The following MAPKAP1 variants were observed in gnomAD, a reference collection of about 807,000 sequenced individuals.
The protein encoded by MAPKAP1 is target of rapamycin complex 2 subunit MAPKAP1.
A neutral mutation model predicts 65.7 loss-of-function variants in MAPKAP1; 20 were observed. The observed-to-expected ratio is 0.30, with a 90% CI of 0.21 to 0.44. The LOEUF is 0.44. Ranked by LOEUF, MAPKAP1 falls within the 20% of genes least tolerant of loss-of-function variation. The probability of loss-of-function intolerance (pLI) is 1.00; values close to 1 mark genes in which losing one functional copy is unlikely to be tolerated. For synonymous variants in MAPKAP1, 222 were observed against 244.3 expected, an observed-to-expected ratio of 0.91 and a Z score of 0.85; for missense variants, 423 against 648.0, an observed-to-expected ratio of 0.65 and a Z score of 3.77.
intron 6 of MAPKAP1, among the ~76,000 whole-genome samples, chr9:125,550,785 T>C (rs1198369180): frequency 2.6e-5 from 4 of 152,232 alleles, no homozygotes; most frequent in African/African-American, 9.6e-5. Context: ...GAGGACAATC[T>C]GGACAATGAA....
chr9:125,496,267 G>A (rs538117441), intron 8 of MAPKAP1, among the ~76,000 whole-genome samples: 6 of 152,258 alleles, frequency 3.9e-5, no homozygotes, highest in South Asian at 2.1e-4. Context: ...TTCTAATAGC[G>A]TGCAGCAAAC....
chr9:125,625,532 C>G (rs565082503), intron 4 of MAPKAP1, among the ~76,000 whole-genome samples: 1 of 152,268 alleles, frequency 6.6e-6, no homozygotes, highest in East Asian at 1.9e-4. Flanking sequence ...TGGCAGCTCA[C>G]GCCTGTAATC....
At chr9:125,503,916 T>TTTGTTTA (rs1829063389) in intron 8 of MAPKAP1, among the ~76,000 whole-genome samples, 1 of 134,540 alleles carries the variant, frequency 7.4e-6, no homozygotes, top group Admixed American at 7.7e-5. Flanking sequence ...TTTGTATTTT[T>TTTGTTTA]GGTAGAGACG....
At chr9:125,515,671 G>A (rs1266514454) in intron 7 of MAPKAP1, among the ~76,000 whole-genome samples, 1 of 152,238 alleles carries the variant, frequency 6.6e-6, no homozygotes, top group East Asian at 1.9e-4. Context: ...GATCAACTAA[G>A]TTCGGCCCTG....
At chr9:125,522,714 A>C (rs1274321419) in intron 7 of MAPKAP1, among the ~76,000 whole-genome samples, 1 of 152,142 alleles carries the variant, frequency 6.6e-6, no homozygotes, top group Non-Finnish European at 1.5e-5. Context: ...TCAAGGTATC[A>C]CTTTCATACA....
chr9:125,623,787 T>C (rs1348200830), intron 4 of MAPKAP1, among the ~76,000 whole-genome samples: 10 of 29,440 alleles, frequency 3.4e-4, no homozygotes, highest in East Asian at 3.6e-3. Context: ...CGGCCAGCCG[T>C]GCCGTCCGGG....
intron 1 of MAPKAP1, among the ~76,000 whole-genome samples, chr9:125,695,913 A>G (rs1396912636): frequency 6.6e-6 from 1 of 152,066 alleles, no homozygotes; most frequent in Admixed American, 6.5e-5. Flanking sequence ...TTTTTAGTAG[A>G]GACGGGGTTT....
intron 3 of MAPKAP1, among the ~76,000 whole-genome samples, chr9:125,658,146 C>G (rs541458980): frequency 6.6e-6 from 1 of 152,290 alleles, no homozygotes; most frequent in South Asian, 2.1e-4. Context: ...AGACACTTCT[C>G]TAAACCTTTC....
At chr9:125,508,449 T>C (rs1280419015) in intron 7 of MAPKAP1, among the ~76,000 whole-genome samples, 2 of 152,222 alleles carry the variant, frequency 1.3e-5, no homozygotes, top group Admixed American at 6.5e-5. Flanking sequence ...AAACAATCTC[T>C]GACTGTTCCT....
At chr9:125,563,021 T>C (rs1312102633) in intron 5 of MAPKAP1, among the ~76,000 whole-genome samples, 1 of 152,174 alleles carries the variant, frequency 6.6e-6, no homozygotes, top group Non-Finnish European at 1.5e-5. Flanking sequence ...ACATATTACT[T>C]ATAAAAAGTT....
intron 8 of MAPKAP1, among the ~76,000 whole-genome samples, chr9:125,500,539 G>T (rs1329318019): frequency 1.3e-5 from 2 of 152,146 alleles, no homozygotes; most frequent in Non-Finnish European, 2.9e-5. Context: ...TGTGTGTATA[G>T]GTATGAGTGT....
At chr9:125,688,550 T>C (rs1835059824) in intron 1 of MAPKAP1, among the ~76,000 whole-genome samples, 1 of 152,176 alleles carries the variant, frequency 6.6e-6, no homozygotes, top group African/African-American at 2.4e-5. Flanking sequence ...TTCCACAACA[T>C]ACAATTTAAA....
At chr9:125,499,086 G>A (rs1425227903) in intron 8 of MAPKAP1, among the ~76,000 whole-genome samples, 1 of 152,176 alleles carries the variant, frequency 6.6e-6, no homozygotes, top group Admixed American at 6.5e-5. Flanking sequence ...ACCCAAGAAA[G>A]GTTAAGTAAA....
At chr9:125,601,834 A>C (rs952297591) in intron 4 of MAPKAP1, among the ~76,000 whole-genome samples, 2 of 152,230 alleles carry the variant, frequency 1.3e-5, no homozygotes, top group Admixed American at 6.5e-5. Context: ...AGGCCAACAC[A>C]AAGAACCTAC....
At chr9:125,461,442 T>C (rs1378120959) in intron 10 of MAPKAP1, among the ~76,000 whole-genome samples, 1 of 152,210 alleles carries the variant, frequency 6.6e-6, no homozygotes, top group Non-Finnish European at 1.5e-5. Context: ...AAGGCGAGCC[T>C]TGTAAATGTC....
intron 8 of MAPKAP1, among the ~76,000 whole-genome samples, chr9:125,488,058 T>C (rs1854556202): frequency 6.6e-6 from 1 of 152,240 alleles, no homozygotes; most frequent in African/African-American, 2.4e-5. Context: ...ATTAATTTTG[T>C]ACAAGACTTA....
chr9:125,573,711 T>C (rs768542732), intron 5 of MAPKAP1, among the ~76,000 whole-genome samples: 2 of 152,192 alleles, frequency 1.3e-5, no homozygotes, highest in Non-Finnish European at 2.9e-5. Context: ...ACTGACCTTC[T>C]TTTGTTCCCT....
At chr9:125,679,282 G>A (rs572570629) in intron 1 of MAPKAP1, among the ~76,000 whole-genome samples, 30 of 152,234 alleles carry the variant, frequency 2.0e-4, no homozygotes, top group African/African-American at 6.3e-4. Flanking sequence ...AATTACAGGC[G>A]TGAGCCACCG....
At chr9:125,533,812 A>G (rs1027244388) in intron 7 of MAPKAP1, among the ~76,000 whole-genome samples, 2 of 152,202 alleles carry the variant, frequency 1.3e-5, no homozygotes, top group Admixed American at 1.3e-4. Context: ...TTTGACAAGC[A>G]ATCCATATTT....
Sources: allele counts gnomAD v4.1 joint callset (sites outside exome capture counted in the v4.1 genomes callset), GRCh38; gene constraint gnomAD v4.1.1; transcripts MANE v1.5; gene names NCBI Gene and HGNC (gene_info 2026-07-23, HGNC 2026-07-21).